Variants in PTPRT observed in about 807,000 individuals in gnomAD.
PTPRT encodes the protein receptor-type tyrosine-protein phosphatase T.
PTPRT carries 56 observed loss-of-function variants against 176.8 expected under a neutral mutation model. The ratio of observed to expected loss-of-function variants is 0.32; its 90% CI spans 0.26 to 0.40. The LOEUF is 0.40. Ranked by LOEUF, PTPRT falls within the 10% of genes least tolerant of loss-of-function variation. PTPRT has a pLI of 1.00. For missense variants in PTPRT, 1,540 were observed against 1,908.2 expected (o/e 0.81, Z 3.60); for synonymous variants, 783 against 739.0 (o/e 1.06, Z -0.96).
intron 1 of PTPRT, among the ~76,000 whole-genome samples, chr20:43,118,923 A>G (rs140915192): frequency 6.6e-6 from 1 of 152,240 alleles, no homozygotes; most frequent in Non-Finnish European, 1.5e-5. Context: ...ATGGTTACAA[A>G]GAATGACCAG....
chr20:42,808,526 G>A (rs1600769074), intron 2 of PTPRT, among the ~76,000 whole-genome samples: 1 of 152,156 alleles, frequency 6.6e-6, no homozygotes, highest in South Asian at 2.1e-4. Flanking sequence ...GGCCCAGGAA[G>A]AGGACCAAAG....
At chr20:42,166,100 T>A (rs1600619601) in intron 16 of PTPRT, among the ~76,000 whole-genome samples, 1 of 152,218 alleles carries the variant, frequency 6.6e-6, no homozygotes, top group African/African-American at 2.4e-5. Context: ...CTGGCCATAT[T>A]TCCAGGATTC....
chr20:42,727,442 T>A (rs554218949), intron 6 of PTPRT, among the ~76,000 whole-genome samples: 1 of 152,286 alleles, frequency 6.6e-6, no homozygotes, highest in East Asian at 1.9e-4. Flanking sequence ...AGGTGTTCGA[T>A]AAGGTTTGGA....
At chr20:42,939,045 A>G (rs1980383695) in intron 1 of PTPRT, among the ~76,000 whole-genome samples, 1 of 152,208 alleles carries the variant, frequency 6.6e-6, no homozygotes, top group Non-Finnish European at 1.5e-5. Flanking sequence ...TTATCAATTC[A>G]CTTGCCCCCT....
At chr20:42,421,642 T>C (rs914020334) in intron 9 of PTPRT, among the ~76,000 whole-genome samples, 3 of 152,176 alleles carry the variant, frequency 2.0e-5, no homozygotes, top group East Asian at 3.8e-4. Flanking sequence ...AAGCAATTTA[T>C]AGGTTCAATG....
intron 2 of PTPRT, among the ~76,000 whole-genome samples, chr20:42,816,950 G>T (rs904954701): frequency 6.6e-6 from 1 of 152,190 alleles, no homozygotes; most frequent in Non-Finnish European, 1.5e-5. Context: ...AAAGACAGAG[G>T]TGATTGGGAG....
At chr20:42,233,043 C>T (rs1222704470) in intron 15 of PTPRT, among the ~76,000 whole-genome samples, 1 of 152,134 alleles carries the variant, frequency 6.6e-6, no homozygotes, top group Non-Finnish European at 1.5e-5. Flanking sequence ...TTTCTCCTAC[C>T]TGTCTGTCTG....
At chr20:42,740,338 G>C (rs2076590010) in intron 6 of PTPRT, among the ~76,000 whole-genome samples, 2 of 152,158 alleles carry the variant, frequency 1.3e-5, no homozygotes, top group South Asian at 2.1e-4. Flanking sequence ...GCATTCCAGG[G>C]ACGTGGGCCA....
At position 42,257,654 on chromosome 20, in the gene PTPRT, C is replaced by CCA. The variant is rs1212423596; in HGVS notation, c.2177-8833_2177-8832insTG. 2.0e-5 allele frequency among the ~76,000 whole-genome samples: 2 copies of CCA among 99,228 alleles called. 1 individual carries two copies. The highest frequency in any genetic ancestry group is 7.4e-4 in the East Asian group (2 of 2,710). The allele number at this position is 99,228 out of a possible 152,430, so 65.1% of individuals were successfully genotyped here. On this transcript the variant is annotated intron_variant, in intron 13 of 30. Coordinates refer to ENST00000373187, the MANE Select transcript of PTPRT (RefSeq NM_007050.6). ...TAGCACCTCCCCCCACCCCCCCCCC[C>CCA]CCGCCCACTACTCTCTCTTGATCCT...
chr20:42,905,207 A>C (rs973061257), intron 1 of PTPRT, among the ~76,000 whole-genome samples: 8 of 152,250 alleles, frequency 5.3e-5, no homozygotes, highest in Non-Finnish European at 5.9e-5. Context: ...AAAGAACTCA[A>C]ACAAATTTAC....
intron 9 of PTPRT, among the ~76,000 whole-genome samples, chr20:42,398,860 C>T (rs183507660): frequency 7.2e-5 from 11 of 152,284 alleles, no homozygotes; most frequent in African/African-American, 2.2e-4. Flanking sequence ...TAGAACTGCT[C>T]GATGTCATTC....
intron 6 of PTPRT, among the ~76,000 whole-genome samples, chr20:42,715,547 G>T (rs1463603710): frequency 6.6e-6 from 1 of 152,144 alleles, no homozygotes; most frequent in Non-Finnish European, 1.5e-5. Flanking sequence ...AGCAGTGCAG[G>T]CACTGCAGAA....
At chr20:42,419,519 A>C (rs2059096711) in intron 9 of PTPRT, among the ~76,000 whole-genome samples, 1 of 152,098 alleles carries the variant, frequency 6.6e-6, no homozygotes, top group Non-Finnish European at 1.5e-5. Context: ...CCCTCCAGGC[A>C]ATAGTACTTT....
rs555226920 is a variant in PTPRT, at chr20:42,603,762, C to T, written c.1153+74104G>A. 7.9e-5 allele frequency among the ~76,000 whole-genome samples: 12 copies of T among 152,296 alleles called. No individual in the cohort carries two copies. The East Asian group carries it at 1.2e-3, about 15-fold the overall frequency. ...AGACCTCAAAGCTTCACTCCATAGA[C>T]GGACAAGAATGACATTTCTTCTTTA... On this transcript the variant is annotated intron_variant, in intron 7 of 30. Coordinates refer to ENST00000373187, the MANE Select transcript of PTPRT (RefSeq NM_007050.6).
At chr20:43,069,581 TGGA>T (rs1173021109) in intron 1 of PTPRT, among the ~76,000 whole-genome samples, 1 of 152,186 alleles carries the variant, frequency 6.6e-6, no homozygotes, top group Non-Finnish European at 1.5e-5. Flanking sequence ...GTAAGCACCA[TGGA>T]GGAGAAATCA....
In PTPRT at chr20:42,104,586, T is replaced by G; in HGVS notation, c.3523A>C (p.Ile1175Leu). ...GCTCATACCTGAAATTCATCTTTGATTTGGCTGGAGTTTGTCTGGGGGTCC... is the reference window on the plus strand; with the variant it reads ...GCTCATACCTGAAATTCATCTTTGAGTTGGCTGGAGTTTGTCTGGGGGTCC... ...RLDPQTNSSQ[I>L]KDEFQTLNIV... Residue 1175 changes from isoleucine to leucine, a missense_variant, in exon 25 of 31, where the codon ATC (isoleucine) becomes CTC (leucine). Physicochemically the swap from Ile to Leu is conservative, Grantham distance 5 (BLOSUM62 2). This residue lies in a region of PTPRT where 342 missense variants were observed against 394.0 expected (regional missense o/e 0.87). Transcript: ENST00000373187. The G allele has an allele frequency of 6.2e-7, 1 of 1,613,028 alleles. No individual in the cohort carries two copies. The highest frequency in any genetic ancestry group is 8.5e-7 in the Non-Finnish European group (1 of 1,179,178).
intron 7 of PTPRT, among the ~76,000 whole-genome samples, chr20:42,604,715 G>T (rs1171876729): frequency 1.3e-5 from 2 of 152,116 alleles, no homozygotes; most frequent in Non-Finnish European, 2.9e-5. Flanking sequence ...CCTTCCTAAG[G>T]GTTTAGAGTT....
At chr20:42,107,071 G>C in intron 23 of PTPRT, 150 bp from the exon 24 acceptor site, 2 of 1,003,236 alleles carry the variant, frequency 2.0e-6, no homozygotes, top group Non-Finnish European at 2.8e-6. Context: ...TGTATAGTTT[G>C]TAATGCATGT....
intron 7 of PTPRT, among the ~76,000 whole-genome samples, chr20:42,576,153 C>T (rs1324987606): frequency 6.6e-6 from 1 of 152,164 alleles, no homozygotes; most frequent in African/African-American, 2.4e-5. Flanking sequence ...GTTCTCCCTC[C>T]TGGGCCTTTG....
Sources: gnomAD v4.1 joint callset for allele counts (sites outside exome capture counted in the v4.1 genomes callset) on GRCh38, gnomAD v4.1.1 for gene constraint, gnomAD v4.1.1 regional missense constraint, MANE v1.5 for transcripts, NCBI Gene and HGNC (gene_info 2026-07-23, HGNC 2026-07-21) for gene names.